Variants in KDM1A observed in about 807,000 individuals in gnomAD.
The protein encoded by KDM1A is lysine-specific histone demethylase 1A.
A neutral mutation model predicts 109.4 loss-of-function variants in KDM1A; 49 were observed. The observed-to-expected ratio is 0.45, with a 90% confidence interval of 0.36 to 0.57. The LOEUF (loss-of-function observed/expected upper bound fraction) is 0.57. Ranked by LOEUF, KDM1A falls within the 20% of genes least tolerant of loss-of-function variation. The pLI, the probability that KDM1A is intolerant of heterozygous loss-of-function variation, is 0.00. For synonymous variants in KDM1A, 380 were observed against 415.4 expected, an observed-to-expected ratio of 0.91 and a Z score of 1.04; for missense variants, 668 against 1,116.6, an observed-to-expected ratio of 0.60 and a Z score of 5.73.
chr1:23,023,457 A>C (rs1282214363), intron 1 of KDM1A, among the ~76,000 whole-genome samples: 1 of 152,168 alleles, frequency 6.6e-6, no homozygotes, highest in East Asian at 1.9e-4. Context: ...ATTGAAGACT[A>C]TTCTTTCTCT....
In KDM1A at chr1:23,073,362, G is replaced by A. The variant is rs1643372544; in HGVS notation, c.1693G>A (p.Ala565Thr). 6.2e-7 allele frequency: 1 copy of A among 1,612,338 alleles called. No homozygotes were observed. Among genetic ancestry groups the A allele is most frequent in the Non-Finnish European group, 8.5e-7 (1 of 1,178,620 alleles). The change falls in exon 15 of 21, where the codon GCC becomes ACC. Residue 565 changes from alanine (A) to threonine (T), a missense_variant. By Grantham distance (58) the Ala-to-Thr change is moderately conservative (BLOSUM62 0). Coordinates refer to ENST00000400181, the MANE Select transcript of KDM1A (RefSeq NM_001009999.3). The stretch of plus-strand genomic sequence containing the variant: ...TTTTGCAAATCTTGAATTTGCTAAT[G>A]CCACACCTCTCTCAACTCTCTCCCT... ...WHFANLEFAN[A>T]TPLSTLSLKH...
intron 10 of KDM1A, 127 bp from the exon 11 acceptor site, chr1:23,068,412 T>C (rs1643214904): frequency 8.8e-6 from 6 of 679,480 alleles, no homozygotes; most frequent in Non-Finnish European, 1.1e-5. Flanking sequence ...ATTTGAATCA[T>C]TGTGCTCAAA....
chr1:23,051,652 G>C (rs1186184490), intron 4 of KDM1A, among the ~76,000 whole-genome samples: 2 of 152,162 alleles, frequency 1.3e-5, no homozygotes, highest in Non-Finnish European at 2.9e-5. Flanking sequence ...TAGCCAGAGA[G>C]TAAATGGATG....
Position 23,081,326 on chromosome 1 carries a change from G to A in KDM1A, c.2171-120G>A, listed in dbSNP as rs1643615501. 5 of 1,089,880 alleles carry A rather than the reference G, an allele frequency of 4.6e-6. No individual in the cohort carries two copies. In the South Asian group the frequency reaches 6.1e-5, roughly 13 times the overall value. 67.5% of individuals were successfully genotyped at this position (1,089,880 alleles called of 1,614,324 possible). On this transcript the variant is annotated intron_variant, in intron 18 of 20. Coordinates refer to ENST00000400181, the MANE Select transcript of KDM1A (RefSeq NM_001009999.3). ...ATAATCTGTCTCTTCGCATTTGAAT[G>A]GTACTGCGTGTGTCTTGTCATCAGA...
At position 23,032,635 on chromosome 1, in the gene KDM1A, G is replaced by GT. The variant is rs532622081; in HGVS notation, c.517+2009dup. On this transcript the variant is annotated intron_variant, in intron 2 of 20. Transcript: ENST00000400181. ...GATTCTTCCTTTAAAACAACTTAAT[G>GT]TTTTTTTTGAAAATTTCTGGGGTGA... is the stretch of plus-strand genomic sequence containing the variant. Among the ~76,000 whole-genome samples, 61 of 151,736 alleles carry GT rather than the reference G, an allele frequency of 4.0e-4. No individual in the cohort carries two copies. The East Asian group carries it at 8.9e-3, about 22-fold the overall frequency.
chr1:23,082,109 G>A, intron 19 of KDM1A, 111 bp from the exon 20 acceptor site: 2 of 1,122,842 alleles, frequency 1.8e-6, no homozygotes, highest in Non-Finnish European at 2.6e-6. Context: ...CTCACATGTT[G>A]CCCCTCTTTC....
intron 18 of KDM1A, among the ~76,000 whole-genome samples, chr1:23,080,471 A>G (rs1169830370): frequency 6.6e-6 from 1 of 152,162 alleles, no homozygotes; most frequent in Non-Finnish European, 1.5e-5. Flanking sequence ...ACGGTTACCA[A>G]TAGCTACTAC....
In KDM1A at chr1:23,019,623, C is replaced by CGCG. The variant is rs765476443; in HGVS notation, c.39_41dup (p.Ala18dup). The CGCG allele has an allele frequency of 3.9e-5, 56 of 1,418,088 alleles. No individual in the cohort carries two copies. Among genetic ancestry groups the CGCG allele is most frequent in the Admixed American group, 1.9e-4 (6 of 32,346 alleles). The allele number at this position is 1,418,088 out of a possible 1,614,324, so 87.8% of individuals were successfully genotyped here. A position where few individuals can be genotyped will look rare whatever the true frequency, so the allele number is the denominator to read the frequency against. ...TGTTATCTGGGAAGAAGGCGGCAGC[C>CGCG]GCGGCGGCGGCGGCTGCAGCGGCAG... On this transcript the variant is annotated inframe_insertion, in exon 1 of 21. Transcript: ENST00000400181.
At chr1:23,046,745 G>C (rs542977749) in intron 3 of KDM1A, among the ~76,000 whole-genome samples, 7 of 152,248 alleles carry the variant, frequency 4.6e-5, no homozygotes, top group African/African-American at 1.7e-4. Flanking sequence ...CCATTAGAAA[G>C]GGCAGTTCTG....
chr1:23,045,302 T>C (rs1252916824), intron 3 of KDM1A, among the ~76,000 whole-genome samples: 1 of 152,238 alleles, frequency 6.6e-6, no homozygotes, highest in African/African-American at 2.4e-5. Context: ...TCAACTGTCT[T>C]AAGTCTACTT....
chr1:23,029,327 TTAA>T (rs763827996), intron 1 of KDM1A, among the ~76,000 whole-genome samples: 3 of 152,238 alleles, frequency 2.0e-5, no homozygotes, highest in Non-Finnish European at 4.4e-5. Context: ...TTTCATGGAA[TTAA>T]TAATAATTAG....
At chr1:23,075,871 C>T (rs1272817115) in intron 15 of KDM1A, among the ~76,000 whole-genome samples, 1 of 152,000 alleles carries the variant, frequency 6.6e-6, no homozygotes, top group African/African-American at 2.4e-5. Context: ...CGCTTGAACC[C>T]AGGAGGCGGA....
At chr1:23,026,985 A>C (rs1217066914) in intron 1 of KDM1A, among the ~76,000 whole-genome samples, 4 of 152,098 alleles carry the variant, frequency 2.6e-5, no homozygotes, top group African/African-American at 9.7e-5. Context: ...TTTTTATTGA[A>C]GTTTGTATGA....
chr1:23,038,254 TTGTGTGTG>T (rs56016343), intron 2 of KDM1A, among the ~76,000 whole-genome samples: 44,689 of 149,066 alleles, frequency 0.3, 6,657 homozygotes, highest in Middle Eastern at 0.4. Flanking sequence ...CTGGAACTGT[TTGTGTGTG>T]TGTGTGTGTG....
At chr1:23,055,853 G>T in intron 6 of KDM1A, 79 bp from the exon 7 acceptor site, 1 of 809,576 alleles carries the variant, frequency 1.2e-6, no homozygotes, top group South Asian at 1.9e-5. Context: ...TAAGAACCTA[G>T]AGGTTTTCAT....
At chr1:23,043,519 C>T (rs1180234890) in intron 2 of KDM1A, among the ~76,000 whole-genome samples, 9 of 152,150 alleles carry the variant, frequency 5.9e-5, no homozygotes, top group Non-Finnish European at 2.9e-5. Context: ...CTGAGTTTAT[C>T]TAGATCATTG....
intron 4 of KDM1A, among the ~76,000 whole-genome samples, chr1:23,051,863 A>G (rs1190940104): frequency 1.3e-5 from 2 of 152,236 alleles, no homozygotes; most frequent in Non-Finnish European, 2.9e-5. Context: ...TGTTAAAGCA[A>G]TTGATAGGTT....
chr1:23,053,573 A>G (rs1180854304), intron 4 of KDM1A, among the ~76,000 whole-genome samples, 188 bp from the exon 5 acceptor site: 1 of 151,912 alleles, frequency 6.6e-6, no homozygotes, highest in Non-Finnish European at 1.5e-5. Context: ...TTTAGTTGAG[A>G]TGGGGTCTCA....
intron 18 of KDM1A, among the ~76,000 whole-genome samples, chr1:23,080,436 C>G (rs912564412): frequency 6.6e-6 from 1 of 152,224 alleles, no homozygotes; most frequent in African/African-American, 2.4e-5. Context: ...CCTCCCAGTC[C>G]AAGCCATTCT....
Sources: gnomAD v4.1 joint callset for allele counts (sites outside exome capture counted in the v4.1 genomes callset) on GRCh38, gnomAD v4.1.1 for gene constraint, MANE v1.5 for transcripts, NCBI Gene and HGNC (gene_info 2026-07-23, HGNC 2026-07-21) for gene names.